The following GPHN variants were observed in gnomAD, a reference collection of about 807,000 sequenced individuals.
The protein encoded by GPHN is gephyrin.
A neutral mutation model predicts 95.5 loss-of-function variants in GPHN; 17 were observed. The ratio of observed to expected loss-of-function variants is 0.18; its 90% confidence interval spans 0.12 to 0.27. GPHN has a LOEUF of 0.27. GPHN is among the 10% of genes least tolerant of loss of function. The pLI, the probability that GPHN is intolerant of heterozygous loss-of-function variation, is 1.00. For synonymous variants in GPHN, 320 were observed against 322.5 expected (o/e 0.99, Z 0.08); for missense variants, 660 against 978.1 (o/e 0.67, Z 4.34).
chr14:67,572,608 T>C, the GPHN span, among the ~76,000 whole-genome samples: 1 of 132,914 alleles, frequency 7.5e-6, no homozygotes, highest in Non-Finnish European at 1.8e-5. Flanking sequence ...CTAACATTTA[T>C]TGAACTCTTG....
At chr14:67,548,551 G>A in the GPHN span, among the ~76,000 whole-genome samples, 1 of 152,116 alleles carries the variant, frequency 6.6e-6, no homozygotes, top group African/African-American at 2.4e-5. Flanking sequence ...TACAAAATTA[G>A]CCAGGCATGG....
chr14:67,541,986 C>T, the GPHN span: 2 of 1,604,796 alleles, frequency 1.2e-6, no homozygotes, highest in Non-Finnish European at 1.7e-6. Flanking sequence ...GAGCTGCTGG[C>T]TGACAAGGTG....
intron 11 of GPHN, among the ~76,000 whole-genome samples, chr14:67,072,274 A>G (rs1034790699): frequency 6.6e-6 from 1 of 152,184 alleles, no homozygotes; most frequent in Non-Finnish European, 1.5e-5. Context: ...ATATTTTTAG[A>G]AATTACAACT....
chr14:67,292,806 A>C, the GPHN span: 2 of 996,644 alleles, frequency 2.0e-6, no homozygotes, highest in Non-Finnish European at 1.5e-6. Context: ...TAATGTGACT[A>C]TAAGATTTGT....
At chr14:66,992,045 G>C (rs1180265216) in intron 9 of GPHN, among the ~76,000 whole-genome samples, 1 of 151,804 alleles carries the variant, frequency 6.6e-6, no homozygotes, top group Non-Finnish European at 1.5e-5. Flanking sequence ...GTAGATAAAT[G>C]TTCATGAAAT....
chr14:66,904,690 G>C (rs72730403), intron 5 of GPHN, among the ~76,000 whole-genome samples: 6,603 of 152,210 alleles, frequency 0.043, 185 homozygotes, highest in Middle Eastern at 0.068. Flanking sequence ...CTTCCTGCTG[G>C]AAAGGGGCAC....
chr14:66,582,943 C>T (rs1169056109), intron 1 of GPHN, among the ~76,000 whole-genome samples: 2 of 152,140 alleles, frequency 1.3e-5, no homozygotes, highest in African/African-American at 4.8e-5. Flanking sequence ...AGTTCTAAAT[C>T]CCTGAGGAAT....
chr14:66,842,919 G>A (rs1264074299), intron 4 of GPHN, among the ~76,000 whole-genome samples: 1 of 151,960 alleles, frequency 6.6e-6, no homozygotes, highest in Non-Finnish European at 1.5e-5. Flanking sequence ...TTCCATTTGT[G>A]TGCTGTTCTC....
chr14:66,697,489 T>A (rs2068178989), intron 2 of GPHN, among the ~76,000 whole-genome samples: 1 of 152,178 alleles, frequency 6.6e-6, no homozygotes, highest in Non-Finnish European at 1.5e-5. Flanking sequence ...CTCAACAGTA[T>A]TGAATGATGT....
At chr14:67,153,560 T>C (rs572250869) in intron 18 of GPHN, among the ~76,000 whole-genome samples, 16 of 152,314 alleles carry the variant, frequency 1.1e-4, no homozygotes, top group African/African-American at 3.6e-4. Context: ...GGATTGGAGT[T>C]TCAACATATG....
intron 10 of GPHN, among the ~76,000 whole-genome samples, chr14:67,047,102 A>T (rs556995226): frequency 3.9e-5 from 6 of 152,214 alleles, no homozygotes; most frequent in Non-Finnish European, 8.8e-5. Context: ...TAATATTAAT[A>T]GGAACAGAAC....
At chr14:67,610,864 C>T in the GPHN span, 1 of 152,166 alleles carries the variant, frequency 6.6e-6, no homozygotes, top group Non-Finnish European at 1.5e-5. Flanking sequence ...CCCTGTTCTC[C>T]TCACTTGGCT....
the GPHN span, among the ~76,000 whole-genome samples, chr14:67,329,812 C>A: frequency 2.7e-5 from 4 of 150,788 alleles, no homozygotes; most frequent in African/African-American, 4.9e-5. Context: ...CCAGCCTGGG[C>A]AACACAGCAA....
intron 1 of GPHN, among the ~76,000 whole-genome samples, chr14:66,621,441 T>C (rs931609820): frequency 1.3e-5 from 2 of 149,148 alleles, no homozygotes; most frequent in African/African-American, 4.9e-5. Context: ...TTTTTTTTTT[T>C]TGAGACAGAG....
the GPHN span, chr14:67,656,296 T>TA: frequency 7.1e-6 from 7 of 991,672 alleles, no homozygotes; most frequent in Non-Finnish European, 8.2e-6. Context: ...CATAAGAACT[T>TA]AAAAAAGACT....
chr14:67,317,324 T>A, the GPHN span: 1 of 1,201,092 alleles, frequency 8.3e-7, no homozygotes, highest in Non-Finnish European at 1.2e-6. Context: ...AATAAATGAA[T>A]GAATAAATAG....
intron 1 of GPHN, among the ~76,000 whole-genome samples, chr14:66,629,201 A>G (rs2063674863): frequency 7.0e-6 from 1 of 143,552 alleles, no homozygotes. Context: ...ATGTATATAA[A>G]TATATATTTA....
chr14:67,704,050 G>T, the GPHN span, among the ~76,000 whole-genome samples: 4 of 152,126 alleles, frequency 2.6e-5, no homozygotes, highest in African/African-American at 9.7e-5. Flanking sequence ...TGTTGGATTC[G>T]TATTTTTATG....
At chr14:67,037,131 G>A (rs531597219) in intron 10 of GPHN, among the ~76,000 whole-genome samples, 65 of 151,818 alleles carry the variant, frequency 4.3e-4, no homozygotes, top group African/African-American at 1.3e-3. Context: ...ATACATGTTC[G>A]TGTATATGGT....
Sources: gnomAD v4.1 joint callset for allele counts (sites outside exome capture counted in the v4.1 genomes callset) on GRCh38, gnomAD v4.1.1 for gene constraint, MANE v1.5 for transcripts, NCBI Gene and HGNC (gene_info 2026-07-23, HGNC 2026-07-21) for gene names.